CLASP2: variants seen among roughly 807,000 people sequenced by gnomAD.
CLASP2 encodes the protein CLIP-associating protein 2.
A neutral mutation model predicts 194.4 loss-of-function variants in CLASP2; 47 were observed. The ratio of observed to expected loss-of-function variants is 0.24; its 90% confidence interval spans 0.19 to 0.31. The LOEUF (loss-of-function observed/expected upper bound fraction) is 0.31, where lower values mean the gene tolerates loss of function less well. CLASP2 is among the 10% of genes least tolerant of loss of function. The pLI is 1.00. For synonymous variants in CLASP2, 619 were observed against 633.5 expected (o/e 0.98, Z 0.34); for missense variants, 1,445 against 1,823.6 (o/e 0.79, Z 3.78).
chr3:33,618,572 G>A (rs1055140640), intron 12 of CLASP2, among the ~76,000 whole-genome samples: 1 of 152,048 alleles, frequency 6.6e-6, no homozygotes, highest in Non-Finnish European at 1.5e-5. Context: ...GCTGGAACCC[G>A]GGCGGCAGAG....
rs1369538123 is a variant in CLASP2 at position 33,696,900 on chromosome 3, A to T, written c.229T>A (p.Phe77Ile). Residue 77 changes from phenylalanine (F) to isoleucine (I), a missense_variant, in exon 2 of 39, where the codon TTT becomes ATT. By Grantham distance (21) the Phe-to-Ile change is conservative (BLOSUM62 0). Coordinates refer to ENST00000682230, the MANE Select transcript of CLASP2 (RefSeq NM_001365631.1). ...SLMGLEILSA[F>I]VDRLSTRFKS... Reference sequence around the variant, plus strand: ...AAGCGTGTTGATAATCTGTCCACAAAGGCACTTAAAATTTCCAATCCCATT... The same window carrying T: ...AAGCGTGTTGATAATCTGTCCACAATGGCACTTAAAATTTCCAATCCCATT... The T allele has an allele frequency of 1.9e-6, 3 of 1,596,506 alleles. No homozygotes were observed. Among genetic ancestry groups the T allele is most frequent in the Non-Finnish European group, 2.6e-6 (3 of 1,169,900 alleles).
chr3:33,679,675 A>C (rs2089457671), intron 6 of CLASP2, among the ~76,000 whole-genome samples: 3 of 152,206 alleles, frequency 2.0e-5, no homozygotes, highest in Admixed American at 2.0e-4. Context: ...GCAAAATTAA[A>C]ACATGATACC....
At chr3:33,596,940 T>A (rs572174506) in intron 18 of CLASP2, among the ~76,000 whole-genome samples, 1 of 152,288 alleles carries the variant, frequency 6.6e-6, no homozygotes, top group Non-Finnish European at 1.5e-5. Flanking sequence ...GTAGAGAATT[T>A]TTTAAAAGTT....
At chr3:33,569,064 C>G (rs978434296) in intron 26 of CLASP2, among the ~76,000 whole-genome samples, 1 of 151,976 alleles carries the variant, frequency 6.6e-6, no homozygotes, top group Non-Finnish European at 1.5e-5. Flanking sequence ...AAACAAAAAC[C>G]AAAATCAAAC....
chr3:33,498,492 A>AAAACG lies in CLASP2; in HGVS notation c.*134_*138dup. On this transcript the variant is annotated 3_prime_UTR_variant, in exon 39 of 39. Transcript: ENST00000682230. ...GATAGTCCTCTGTTACAGAAAATAC[A>AAAACG]AAACGAAACGAAACAAAAAACTAAA... 3.7e-6 allele frequency: 2 copies of AAAACG among 547,880 alleles called. No individual in the cohort carries two copies. Among genetic ancestry groups the AAAACG allele is most frequent in the South Asian group, 2.9e-5 (1 of 34,136 alleles). The allele number at this position is 547,880 out of a possible 1,614,324, so 33.9% of individuals were successfully genotyped here.
chr3:33,714,437 C>T (rs1575810785), intron 1 of CLASP2, among the ~76,000 whole-genome samples: 3 of 152,208 alleles, frequency 2.0e-5, no homozygotes, highest in African/African-American at 7.2e-5. Flanking sequence ...AAACTTTTTA[C>T]ATCCGTCACC....
chr3:33,638,169 G>C (rs1423898890), intron 8 of CLASP2, among the ~76,000 whole-genome samples: 1 of 152,162 alleles, frequency 6.6e-6, no homozygotes, highest in African/African-American at 2.4e-5. Flanking sequence ...GTAATACGTG[G>C]AAGGGTACAT....
chr3:33,587,017 A>G (rs2067538453), intron 21 of CLASP2, among the ~76,000 whole-genome samples: 1 of 152,228 alleles, frequency 6.6e-6, no homozygotes, highest in South Asian at 2.1e-4. Flanking sequence ...TTTTTCAAAA[A>G]TGAAAGCTTT....
At chr3:33,713,844 C>T (rs190129109) in intron 1 of CLASP2, among the ~76,000 whole-genome samples, 41 of 152,130 alleles carry the variant, frequency 2.7e-4, no homozygotes, top group Middle Eastern at 3.4e-3. Context: ...CATTTTTTAA[C>T]GTCAACTTAC....
intron 30 of CLASP2, among the ~76,000 whole-genome samples, chr3:33,545,952 C>T (rs1478807966): frequency 6.7e-6 from 1 of 149,628 alleles, no homozygotes; most frequent in African/African-American, 2.5e-5. Flanking sequence ...TTGTTAAAAA[C>T]AAAGAAGTGT....
At chr3:33,590,219 T>G (rs1195114284) in intron 21 of CLASP2, among the ~76,000 whole-genome samples, 1 of 152,218 alleles carries the variant, frequency 6.6e-6, no homozygotes, top group Non-Finnish European at 1.5e-5. Flanking sequence ...CAATCCTATG[T>G]AGATGCTATT....
At chr3:33,604,314 TTTTTTC>T in intron 16 of CLASP2, 105 bp from the exon 17 acceptor site, 2 of 761,228 alleles carry the variant, frequency 2.6e-6, no homozygotes, top group South Asian at 1.7e-5. Context: ...GAAGTATTTC[TTTTTTC>T]TTTTTTTTTT....
At chr3:33,667,083 G>A (rs78265802) in intron 6 of CLASP2, among the ~76,000 whole-genome samples, 2,242 of 152,126 alleles carry the variant, frequency 0.015, 52 homozygotes, top group Non-Finnish European at 0.014. Context: ...GTTGTAAAGA[G>A]CCCCTTATAA....
At chr3:33,526,937 C>T (rs557273887) in intron 34 of CLASP2, among the ~76,000 whole-genome samples, 2 of 152,038 alleles carry the variant, frequency 1.3e-5, no homozygotes, top group African/African-American at 4.8e-5. Flanking sequence ...ACAATGAGAA[C>T]AAAGATACAA....
chr3:33,636,415 T>C (rs1306874062), intron 8 of CLASP2, among the ~76,000 whole-genome samples: 4 of 151,400 alleles, frequency 2.6e-5, no homozygotes. Context: ...CTGATAAAAG[T>C]AACTCCCTAA....
intron 30 of CLASP2, among the ~76,000 whole-genome samples, chr3:33,548,066 G>A (rs887240907): frequency 5.9e-5 from 9 of 151,718 alleles, no homozygotes; most frequent in East Asian, 2.0e-4. Flanking sequence ...GTGAGCCACC[G>A]TGCCTGGCTT....
At chr3:33,666,621 A>C (rs1385920811) in intron 6 of CLASP2, among the ~76,000 whole-genome samples, 1 of 152,160 alleles carries the variant, frequency 6.6e-6, no homozygotes, top group African/African-American at 2.4e-5. Flanking sequence ...ACATATGTAG[A>C]TGTGGGGTGT....
At chr3:33,531,918 G>A (rs2056406090) in intron 34 of CLASP2, among the ~76,000 whole-genome samples, 1 of 152,180 alleles carries the variant, frequency 6.6e-6, no homozygotes, top group Non-Finnish European at 1.5e-5. Flanking sequence ...TTCTGCACTG[G>A]TGGTGGGGAA....
chr3:33,635,310 T>C (rs2079931906), intron 8 of CLASP2, among the ~76,000 whole-genome samples: 3 of 151,970 alleles, frequency 2.0e-5, no homozygotes, highest in Admixed American at 6.6e-5. Flanking sequence ...CGGAGAGATA[T>C]TGCAGGCTCA....
Sources: allele counts gnomAD v4.1 joint callset (sites outside exome capture counted in the v4.1 genomes callset), GRCh38; gene constraint gnomAD v4.1.1; transcripts MANE v1.5; gene names NCBI Gene and HGNC (gene_info 2026-07-23, HGNC 2026-07-21).